KIF1B: variants seen among roughly 807,000 people sequenced by gnomAD.
KIF1B encodes kinesin family member 1B.
A neutral mutation model predicts 241.9 loss-of-function variants in KIF1B; 76 were observed. That is an observed-to-expected ratio of 0.31 (90% CI 0.26 to 0.38). The LOEUF (loss-of-function observed/expected upper bound fraction) is 0.38, where lower values mean the gene tolerates loss of function less well. Ranked by LOEUF, KIF1B falls within the 10% of genes least tolerant of loss-of-function variation. KIF1B has a pLI of 1.00. For missense variants in KIF1B, 1,622 were observed against 2,271.4 expected, an observed-to-expected ratio of 0.71 and a Z score of 5.81; for synonymous variants, 750 against 796.7, an observed-to-expected ratio of 0.94 and a Z score of 0.99.
chr1:10,375,606 A>G (rs1638861110), intron 48 of KIF1B, among the ~76,000 whole-genome samples: 1 of 151,854 alleles, frequency 6.6e-6, no homozygotes, highest in African/African-American at 2.4e-5. Context: ...GCTGGTCTCA[A>G]ACTCCTGACC....
intron 3 of KIF1B, among the ~76,000 whole-genome samples, chr1:10,257,511 G>A (rs1647863383): frequency 1.3e-5 from 2 of 151,528 alleles, no homozygotes; most frequent in African/African-American, 2.4e-5. Flanking sequence ...AGATCCACAA[G>A]GGAAACAAAA....
Position 10,303,469 on chromosome 1 carries a change from C to G in KIF1B, c.2115+6223C>G, listed in dbSNP as rs775102102. The G allele has an allele frequency of 1.1e-5, 18 of 1,614,046 alleles. No individual in the cohort carries two copies. Among genetic ancestry groups the G allele is most frequent in the Non-Finnish European group, 1.4e-5 (17 of 1,180,034 alleles). ...GCACAGTCGGCAGGAGATTGAAGCC[C>G]TGGCCATTGTCAAGATGAAGGAGCT... On this transcript the variant is annotated intron_variant, in intron 22 of 48. Transcript: ENST00000676179. The surrounding 1 kb of genome is among the most constrained non-coding windows in gnomAD (Gnocchi z 5.2).
At chr1:10,347,732 G>T (rs763295008) in intron 35 of KIF1B, 29 bp from the exon 36 acceptor site, 12 of 1,601,724 alleles carry the variant, frequency 7.5e-6, no homozygotes, top group Non-Finnish European at 9.4e-6. Context: ...GTAGCACTTA[G>T]TTTTTTCTTT....
At chr1:10,221,562 A>T (rs1462584992) in intron 1 of KIF1B, among the ~76,000 whole-genome samples, 1 of 152,172 alleles carries the variant, frequency 6.6e-6, no homozygotes, top group Non-Finnish European at 1.5e-5. Context: ...CATTGTCAGC[A>T]GCACAGTGTT....
intron 7 of KIF1B, among the ~76,000 whole-genome samples, chr1:10,270,925 C>CA (rs34851583): frequency 0.041 from 3,751 of 90,894 alleles, 108 homozygotes; most frequent in African/African-American, 0.11. Context: ...GACTCTGTCT[C>CA]AAAAAAAAAA....
At chr1:10,339,996 G>C in intron 32 of KIF1B, 137 bp downstream of exon 32, 1 of 764,066 alleles carries the variant, frequency 1.3e-6, no homozygotes, top group Middle Eastern at 2.6e-4. Context: ...CGTGGCTAGA[G>C]TGGTGAGGTC....
At chr1:10,304,100 G>A (rs764861413) in intron 22 of KIF1B, 2 of 1,614,016 alleles carry the variant, frequency 1.2e-6, no homozygotes, top group Admixed American at 3.3e-5. Flanking sequence ...AGAAACTCTT[G>A]GAGTCCTGGG....
rs1379426825 is a variant in KIF1B at position 10,306,659 on chromosome 1, A to G, written c.2115+9413A>G. On this transcript the variant is annotated intron_variant, in intron 22 of 48. Coordinates refer to ENST00000676179, the MANE Select transcript of KIF1B (RefSeq NM_001365951.3). Reference sequence around the variant, plus strand: ...CGGGTGAACCCAGCCCAGGTTGGAAATGGAGCAGGCCAAAACTCCCAGGCT... The same window carrying G: ...CGGGTGAACCCAGCCCAGGTTGGAAGTGGAGCAGGCCAAAACTCCCAGGCT... 3 of 705,878 alleles carry G rather than the reference A, an allele frequency of 4.3e-6. No individual in the cohort carries two copies. In the African/African-American group the frequency reaches 5.7e-5, roughly 14 times the overall value. 43.7% of individuals were successfully genotyped at this position (705,878 alleles called of 1,614,324 possible). A position where few individuals can be genotyped will look rare whatever the true frequency, so the allele number is the denominator to read the frequency against.
intron 22 of KIF1B, among the ~76,000 whole-genome samples, chr1:10,314,665 C>T (rs1325456474): frequency 4.6e-5 from 7 of 151,622 alleles, no homozygotes; most frequent in Non-Finnish European, 8.8e-5. Flanking sequence ...AGTGATCCAC[C>T]CGCCTCTGCC....
intron 1 of KIF1B, among the ~76,000 whole-genome samples, chr1:10,227,330 G>T (rs184923792): frequency 2.0e-5 from 3 of 152,094 alleles, no homozygotes; most frequent in Non-Finnish European, 4.4e-5. Flanking sequence ...ACCGTGCCTG[G>T]CCCACAAGCC....
intron 28 of KIF1B, among the ~76,000 whole-genome samples, chr1:10,336,052 A>AT (rs1429773845): frequency 3.9e-5 from 6 of 152,296 alleles, no homozygotes; most frequent in Admixed American, 2.0e-4. Flanking sequence ...ACAATATAAT[A>AT]TTTTCAAATA....
At chr1:10,291,190 C>CT (rs770156080) in intron 16 of KIF1B, 29 bp downstream of exon 16, 1 of 1,429,234 alleles carries the variant, frequency 7.0e-7, no homozygotes, top group South Asian at 1.2e-5. Flanking sequence ...GGAAATGTTT[C>CT]TAAGTTTTCT....
At chr1:10,243,964 T>A (rs201725644) in intron 2 of KIF1B, among the ~76,000 whole-genome samples, 2 of 148,108 alleles carry the variant, frequency 1.4e-5, no homozygotes, top group South Asian at 4.3e-4. Flanking sequence ...TTGTTGATTG[T>A]TTATTCAATG....
At chr1:10,228,283 GC>G (rs1646935844) in intron 1 of KIF1B, among the ~76,000 whole-genome samples, 1 of 151,974 alleles carries the variant, frequency 6.6e-6, no homozygotes, top group Admixed American at 6.6e-5. Flanking sequence ...CTAGATGTAT[GC>G]TTAATTCTGT....
intron 23 of KIF1B, among the ~76,000 whole-genome samples, chr1:10,321,241 C>T (rs1405471939): frequency 6.6e-6 from 1 of 151,742 alleles, no homozygotes; most frequent in East Asian, 2.0e-4. Context: ...GTAGCTGGGA[C>T]TACAGGTGTG....
At chr1:10,215,138 TTATA>T (rs1162229178) in intron 1 of KIF1B, among the ~76,000 whole-genome samples, 688 of 59,500 alleles carry the variant, frequency 0.012, 6 homozygotes, top group South Asian at 0.027. Flanking sequence ...TTTATATATT[TTATA>T]TATATATATA....
At chr1:10,296,724 C>A in intron 20 of KIF1B, 59 bp downstream of exon 20, 1 of 1,525,008 alleles carries the variant, frequency 6.6e-7, no homozygotes, top group Middle Eastern at 1.7e-4. Flanking sequence ...TGTGACAACT[C>A]TAATTTTTGG....
rs1651653454 is a variant in KIF1B, at chr1:10,324,607, T to C, written c.2538-151T>C. 6 of 899,832 alleles carry C rather than the reference T, an allele frequency of 6.7e-6. No individual in the cohort carries two copies. The East Asian group carries it at 1.5e-4, about 23-fold the overall frequency. The allele number at this position is 899,832 out of a possible 1,614,324, so 55.7% of individuals were successfully genotyped here. On this transcript the variant is annotated intron_variant, in intron 25 of 48. Coordinates refer to ENST00000676179, the MANE Select transcript of KIF1B (RefSeq NM_001365951.3). ...GATACTGAGTGTTGGTTTCTGTATT[T>C]TTGGGCTTCATTCTTTTTAGTAACA...
rs1352740676 is a variant in KIF1B at position 10,303,805 on chromosome 1, G to A, written c.2115+6559G>A. 1 of 1,614,218 alleles carries A rather than the reference G, an allele frequency of 6.2e-7. No homozygotes were observed. Among genetic ancestry groups the A allele is most frequent in the Admixed American group, 1.7e-5 (1 of 60,028 alleles). On this transcript the variant is annotated intron_variant, in intron 22 of 48. Coordinates refer to ENST00000676179, the MANE Select transcript of KIF1B (RefSeq NM_001365951.3). The surrounding 1 kb of genome is among the most constrained non-coding windows in gnomAD (Gnocchi z 5.2). ...ACAGAAAAGCCCAGGAAGCCACAAAGCAAAGGAGCCTGTTGGTGCTGGTGT... is the reference window on the plus strand; with the variant it reads ...ACAGAAAAGCCCAGGAAGCCACAAAACAAAGGAGCCTGTTGGTGCTGGTGT...
Sources: allele counts gnomAD v4.1 joint callset (sites outside exome capture counted in the v4.1 genomes callset), GRCh38; gene constraint gnomAD v4.1.1; non-coding constraint Gnocchi (gnomAD v3.1); transcripts MANE v1.5; gene names NCBI Gene and HGNC (gene_info 2026-07-23, HGNC 2026-07-21).